Variants in PCDH15 observed in about 807,000 individuals in gnomAD.
The protein encoded by PCDH15 is protocadherin related 15, also known as protocadherin-15.
In PCDH15, 129 loss-of-function variants were observed where a neutral mutation model predicts 178.5. That is an observed-to-expected ratio of 0.72 (90% CI 0.63 to 0.84). PCDH15 has a LOEUF of 0.84. PCDH15 is among the 40% of genes least tolerant of loss of function. PCDH15 has a pLI of 0.00. For synonymous variants in PCDH15, 800 were observed against 732.0 expected (o/e 1.09, Z -1.50); for missense variants, 2,230 against 2,099.9 (o/e 1.06, Z -1.21).
At chr10:54,752,666 A>T (rs919203691) in intron 1 of PCDH15, among the ~76,000 whole-genome samples, 1 of 151,392 alleles carries the variant, frequency 6.6e-6, no homozygotes, top group African/African-American at 2.4e-5. Context: ...CATGTTTCTA[A>T]AAAAAATGAT....
At position 54,100,447 on chromosome 10, in the gene PCDH15, A is replaced by G. The variant is rs148634527; in HGVS notation, c.1918-10384T>C. ...TGGAGTGAAAAGAAATAGGAATGAAATGGGACTCTTTCACTTATAAGCCAC... is the reference window on the plus strand; with the variant it reads ...TGGAGTGAAAAGAAATAGGAATGAAGTGGGACTCTTTCACTTATAAGCCAC... On this transcript the variant is annotated intron_variant, in intron 15 of 37. Transcript: ENST00000644397. Among the ~76,000 whole-genome samples the G allele has an allele frequency of 1.9e-3, 288 of 152,250 alleles. 2 individuals carry two copies. Among genetic ancestry groups the G allele is most frequent in the African/African-American group, 6.3e-3 (260 of 41,544 alleles).
At chr10:55,428,732 G>C (rs1838815680) in intron 2 of PCDH15, among the ~76,000 whole-genome samples, 1 of 151,560 alleles carries the variant, frequency 6.6e-6, no homozygotes, top group South Asian at 2.1e-4. Context: ...ATTATTAATA[G>C]GTTTAAGTCT....
At chr10:54,232,671 A>G (rs1393642772) in intron 9 of PCDH15, among the ~76,000 whole-genome samples, 1 of 151,876 alleles carries the variant, frequency 6.6e-6, no homozygotes, top group Non-Finnish European at 1.5e-5. Flanking sequence ...CATAAATTGT[A>G]TATAATATTC....
At chr10:54,433,628 GGTAGCTCAACAGA>G (rs2075168403) in intron 3 of PCDH15, among the ~76,000 whole-genome samples, 1 of 151,928 alleles carries the variant, frequency 6.6e-6, no homozygotes, top group Admixed American at 6.6e-5. Flanking sequence ...CCTAGTATTT[GGTAGCTCAACAGA>G]GGGACTATAG....
At chr10:54,105,924 A>G (rs1454388251) in intron 15 of PCDH15, among the ~76,000 whole-genome samples, 11 of 146,480 alleles carry the variant, frequency 7.5e-5, no homozygotes. Context: ...AAAGTGTAGT[A>G]TATGCAGACA....
intron 1 of PCDH15, among the ~76,000 whole-genome samples, chr10:54,798,462 A>C (rs76217397): frequency 3.9e-4 from 60 of 152,254 alleles, no homozygotes; most frequent in African/African-American, 1.4e-3. Flanking sequence ...CAAGTAAAAC[A>C]ATCTTTTCAA....
At chr10:54,623,029 C>T (rs917041235) in intron 2 of PCDH15, among the ~76,000 whole-genome samples, 3 of 151,508 alleles carry the variant, frequency 2.0e-5, no homozygotes, top group African/African-American at 7.3e-5. Flanking sequence ...ATGTGATTCC[C>T]ACTACTTCCA....
chr10:54,334,925 C>A (rs1248800630), intron 6 of PCDH15, among the ~76,000 whole-genome samples: 7 of 151,904 alleles, frequency 4.6e-5, no homozygotes, highest in Non-Finnish European at 1.0e-4. Context: ...TTGGGTTTCC[C>A]CCATTTGTTC....
At chr10:54,255,645 A>G (rs960971661) in intron 8 of PCDH15, among the ~76,000 whole-genome samples, 2 of 152,166 alleles carry the variant, frequency 1.3e-5, no homozygotes, top group African/African-American at 4.8e-5. Flanking sequence ...TCTAACTGGT[A>G]GCCATACACA....
At chr10:54,797,404 A>C (rs2133656446) in intron 1 of PCDH15, among the ~76,000 whole-genome samples, 1 of 152,092 alleles carries the variant, frequency 6.6e-6, no homozygotes, top group Non-Finnish European at 1.5e-5. Flanking sequence ...GGGTGAATGC[A>C]ACCTTTAAAC....
chr10:54,289,113 G>T (rs772533397), intron 8 of PCDH15, among the ~76,000 whole-genome samples: 26 of 152,128 alleles, frequency 1.7e-4, no homozygotes, highest in Non-Finnish European at 8.8e-5. Flanking sequence ...CTCCCAGTAC[G>T]GGCTGACAGA....
At chr10:54,989,823 G>C (rs773560390) in intron 2 of PCDH15, among the ~76,000 whole-genome samples, 12 of 152,126 alleles carry the variant, frequency 7.9e-5, no homozygotes, top group Non-Finnish European at 7.4e-5. Context: ...TGGTTTGGCT[G>C]TTTCCCCACA....
intron 2 of PCDH15, among the ~76,000 whole-genome samples, chr10:55,412,133 G>A (rs1838353106): frequency 6.6e-6 from 1 of 151,916 alleles, no homozygotes; most frequent in Non-Finnish European, 1.5e-5. Context: ...ACGGATGAGG[G>A]CTTTATGAAA....
chr10:54,385,691 A>G (rs1949833416), intron 3 of PCDH15, among the ~76,000 whole-genome samples: 1 of 152,220 alleles, frequency 6.6e-6, no homozygotes, highest in South Asian at 2.1e-4. Flanking sequence ...CTAACTGCAA[A>G]TGAAGTAAAC....
intron 2 of PCDH15, among the ~76,000 whole-genome samples, chr10:55,577,574 T>G (rs909046874): frequency 3.3e-5 from 5 of 152,302 alleles, no homozygotes; most frequent in African/African-American, 9.6e-5. Context: ...TGAAGACTTT[T>G]TATGGCATTG....
At chr10:54,690,271 T>C (rs147685429) in intron 1 of PCDH15, among the ~76,000 whole-genome samples, 194 of 151,432 alleles carry the variant, frequency 1.3e-3, no homozygotes, top group East Asian at 8.0e-3. Context: ...ATAATGTTAA[T>C]AAACACCATA....
chr10:54,010,394 G>T (rs1055686559), intron 20 of PCDH15, among the ~76,000 whole-genome samples: 1 of 152,130 alleles, frequency 6.6e-6, no homozygotes, highest in South Asian at 2.1e-4. Flanking sequence ...AGCTCCCAGA[G>T]GGCAAGGCAG....
At chr10:54,622,397 G>A (rs2093380612) in intron 2 of PCDH15, among the ~76,000 whole-genome samples, 1 of 148,882 alleles carries the variant, frequency 6.7e-6, no homozygotes, top group African/African-American at 2.5e-5. Flanking sequence ...TACAATAATT[G>A]GTGACAAGAT....
At chr10:54,894,779 C>T (rs1265913542) in intron 3 of PCDH15, among the ~76,000 whole-genome samples, 2 of 152,132 alleles carry the variant, frequency 1.3e-5, no homozygotes, top group East Asian at 3.9e-4. Flanking sequence ...AAGCAGGCAC[C>T]TTCTGCTTCC....
Sources: allele counts gnomAD v4.1 joint callset (sites outside exome capture counted in the v4.1 genomes callset), GRCh38; gene constraint gnomAD v4.1.1; transcripts MANE v1.5; gene names NCBI Gene and HGNC (gene_info 2026-07-23, HGNC 2026-07-21).